The following TACC2 variants were observed in gnomAD, a reference collection of about 807,000 sequenced individuals.
The protein encoded by TACC2 is transforming acidic coiled-coil containing protein 2, also known as transforming acidic coiled-coil-containing protein 2.
Under a neutral mutation model 227.3 loss-of-function variants are expected in TACC2, and 137 were observed. That is an observed-to-expected ratio of 0.60 (90% CI 0.52 to 0.69). The LOEUF (loss-of-function observed/expected upper bound fraction) is 0.69, where lower values mean the gene tolerates loss of function less well. TACC2 is among the 30% of genes least tolerant of loss of function. The pLI is 0.00. For missense variants in TACC2, 3,470 were observed against 3,694.4 expected (o/e 0.94, Z 1.57); for synonymous variants, 1,523 against 1,487.5 (o/e 1.02, Z -0.55).
In TACC2 at chr10:122,215,393, A is replaced by C. The variant is rs2095381364; in HGVS notation, c.7286A>C (p.Asp2429Ala). The C allele has an allele frequency of 1.9e-6, 3 of 1,613,476 alleles. No homozygotes were observed. The highest frequency in any genetic ancestry group is 2.5e-6 in the Non-Finnish European group (3 of 1,179,640). ...TACGTTTTCCATTTTGTTTCCAGTG[A>C]CACATTTAGGGTGAAAAAGTCGCCA... is the stretch of plus-strand genomic sequence containing the variant. ...AKKKKTPLKT[D>A]TFRVKKSPKR... Residue 2429 changes from aspartate to alanine, a missense_variant and splice_region_variant, in exon 10 of 23, where the codon GAC (aspartate) becomes GCC (alanine). Coordinates refer to ENST00000369005, the MANE Select transcript of TACC2 (RefSeq NM_206862.4).
At chr10:122,246,484 G>A (rs980424508) in intron 19 of TACC2, 1 of 152,184 alleles carries the variant, frequency 6.6e-6, no homozygotes, top group African/African-American at 2.4e-5. Flanking sequence ...ATCCTCCAAG[G>A]TCTGTCATTA....
rs2095864752 is a variant in TACC2, at chr10:122,236,778, A to G, written c.8128-617A>G. ...TTAACGTAACAGACTTCATGGCAAC[A>G]GAACTCTTACATAACTCTAACATAA... is the stretch of plus-strand genomic sequence containing the variant. On this transcript the variant is annotated intron_variant, in intron 16 of 22. Transcript: ENST00000369005. Among the ~76,000 whole-genome samples the G allele has an allele frequency of 2.6e-5, 4 of 152,222 alleles. No homozygotes were observed. In the East Asian group the frequency reaches 7.7e-4, roughly 29 times the overall value.
chr10:122,234,269 G>A (rs993185749), intron 16 of TACC2, among the ~76,000 whole-genome samples: 1 of 152,282 alleles, frequency 6.6e-6, no homozygotes, highest in African/African-American at 2.4e-5. Context: ...GGCACAGCCT[G>A]CAGGTCTGAA....
chr10:122,005,584 C>A (rs1397169685), intron 1 of TACC2, among the ~76,000 whole-genome samples: 1 of 149,666 alleles, frequency 6.7e-6, no homozygotes, highest in Non-Finnish European at 1.5e-5. Flanking sequence ...TGGGGTTTCA[C>A]CATGTTAGCC....
rs1054305920 is a variant in TACC2, at chr10:122,205,555, T to C, written c.5972-4842T>C. Among the ~76,000 whole-genome samples, 1 of 152,168 alleles carries C rather than the reference T, an allele frequency of 6.6e-6. No homozygotes were observed. Among genetic ancestry groups the C allele is most frequent in the Non-Finnish European group, 1.5e-5 (1 of 68,018 alleles). On this transcript the variant is annotated intron_variant, in intron 8 of 22. Coordinates refer to ENST00000369005, the MANE Select transcript of TACC2 (RefSeq NM_206862.4). The surrounding 1 kb of genome is among the most constrained non-coding windows in gnomAD (Gnocchi z 4.5). ...GGCCAAATACTAAAGTGTTACCCAC[T>C]GGAGGTTTAAGAATGAGGATAGGCC...
chr10:122,233,220 T>C (rs1477026817), intron 16 of TACC2, among the ~76,000 whole-genome samples: 1 of 152,200 alleles, frequency 6.6e-6, no homozygotes, highest in Admixed American at 6.5e-5. Flanking sequence ...GGTTGTGTCC[T>C]CCTGGGAGTG....
Position 122,087,710 on chromosome 10 carries a change from C to T in TACC2, c.5210C>T (p.Ala1737Val). ...AGTTRTFSVV[A>V]GDLVLPGSCQ... ...ACTACGAGGACATTCTCCGTTGTGG[C>T]AGGTGACTTGGTGCTGCCAGGAAGC... Residue 1737 changes from alanine to valine, a missense_variant, in exon 4 of 23, where the codon GCA (alanine) becomes GTA (valine). Transcript: ENST00000369005. 1 of 1,612,782 alleles carries T rather than the reference C, an allele frequency of 6.2e-7. No homozygotes were observed. Among genetic ancestry groups the T allele is most frequent in the Non-Finnish European group, 8.5e-7 (1 of 1,179,792 alleles).
In TACC2 at chr10:122,210,981, G is replaced by C; in HGVS notation, c.6556G>C (p.Ala2186Pro). The stretch of plus-strand genomic sequence containing the variant: ...TGCCAAGACGGAAGGTCCTAGCCCA[G>C]CCTTATTGGAGGAGACGCCCCTTGA... Reference protein sequence around the residue: ...ESAKTEGPSPALLEETPLEPA... With the variant: ...ESAKTEGPSPPLLEETPLEPA... The change falls in exon 9 of 23, where the codon GCC (alanine) becomes CCC (proline). Residue 2186 changes from alanine to proline, a missense_variant. Ala to Pro is a conservative substitution (Grantham distance 27). Around this residue, in one of 10 missense-constraint regions of TACC2, gnomAD observed 593 missense variants for 636.6 expected, o/e 0.93. Coordinates refer to ENST00000369005, the MANE Select transcript of TACC2 (RefSeq NM_206862.4). The surrounding 1 kb of genome is among the most constrained non-coding windows in gnomAD (Gnocchi z 4.6). 6.2e-7 allele frequency: 1 copy of C among 1,613,428 alleles called. No homozygotes were observed. Among genetic ancestry groups the C allele is most frequent in the Non-Finnish European group, 8.5e-7 (1 of 1,179,786 alleles).
At chr10:122,169,966 G>A (rs1023016535) in intron 7 of TACC2, among the ~76,000 whole-genome samples, 23 of 152,058 alleles carry the variant, frequency 1.5e-4, no homozygotes, top group Admixed American at 5.9e-4. Flanking sequence ...GCCCAAGCTG[G>A]TCTTGAGCTC....
At chr10:122,193,411 G>A (rs1010492638) in intron 7 of TACC2, among the ~76,000 whole-genome samples, 1 of 152,166 alleles carries the variant, frequency 6.6e-6, no homozygotes, top group Admixed American at 6.5e-5. Context: ...CTGCCAGCTG[G>A]CTGGTGGTCT....
In TACC2 at chr10:122,210,230, G is replaced by A. The variant is rs2095257039; in HGVS notation, c.5972-167G>A. 4 of 633,814 alleles carry A rather than the reference G, an allele frequency of 6.3e-6. No homozygotes were observed. The highest frequency in any genetic ancestry group is 1.9e-5 in the South Asian group (1 of 51,820). 39.3% of individuals were successfully genotyped at this position (633,814 alleles called of 1,614,324 possible). A position where few individuals can be genotyped will look rare whatever the true frequency, so the allele number is the denominator to read the frequency against. ...CTGGCCTGGGTCTTGAGCTAATTAC[G>A]GGTAGGTCAGGTTCTGTACCCAAGT... is the stretch of plus-strand genomic sequence containing the variant. On this transcript the variant is annotated intron_variant, in intron 8 of 22. Coordinates refer to ENST00000369005, the MANE Select transcript of TACC2 (RefSeq NM_206862.4). This position sits in a 1 kb window ranked among gnomAD's most constrained non-coding sequence, Gnocchi z 4.6.
Position 122,087,055 on chromosome 10 carries a change from G to A in TACC2, c.4555G>A (p.Ala1519Thr). 6.2e-7 allele frequency: 1 copy of A among 1,613,540 alleles called. No homozygotes were observed. Residue 1519 changes from alanine to threonine, a missense_variant, in exon 4 of 23, where the codon GCA (alanine) becomes ACA (threonine). Ala to Thr is a moderately conservative substitution (Grantham distance 58). Around this residue, in one of 10 missense-constraint regions of TACC2, gnomAD observed 1,924 missense variants for 1,978.3 expected, o/e 0.97. Transcript: ENST00000369005. ...AGGTGCCGGTGTGGGGAAGGAGATG[G>A]CAGGTGTCCCACCCACACTGAGGGA... is the stretch of plus-strand genomic sequence containing the variant. ...LPGAGVGKEM[A>T]GVPPTLREDE...
At chr10:122,048,970 C>A (rs1279194913) in intron 2 of TACC2, among the ~76,000 whole-genome samples, 2 of 152,218 alleles carry the variant, frequency 1.3e-5, no homozygotes, top group Non-Finnish European at 2.9e-5. Context: ...TGCTGTAGAA[C>A]TCAGAATTTT....
At chr10:122,223,433 A>C (rs961013424) in intron 11 of TACC2, among the ~76,000 whole-genome samples, 2 of 152,164 alleles carry the variant, frequency 1.3e-5, no homozygotes, top group African/African-American at 4.8e-5. Context: ...GCTTGGTGTG[A>C]GAGTTGGAAA....
chr10:122,116,234 G>C (rs1157656457), intron 5 of TACC2, among the ~76,000 whole-genome samples: 1 of 152,170 alleles, frequency 6.6e-6, no homozygotes, highest in Admixed American at 6.5e-5. Context: ...TAGAGCAGCC[G>C]ACCCTTTGTA....
chr10:122,190,157 T>G (rs537148466), intron 7 of TACC2, among the ~76,000 whole-genome samples: 2 of 152,348 alleles, frequency 1.3e-5, no homozygotes, highest in South Asian at 2.1e-4. Flanking sequence ...ATGTGTATAT[T>G]ATGTATGTGT....
chr10:122,224,592 A>G, intron 11 of TACC2, 134 bp from the exon 12 acceptor site: 2 of 729,922 alleles, frequency 2.7e-6, no homozygotes, highest in East Asian at 2.4e-5. Flanking sequence ...GTCTCTAGAC[A>G]GTGGGCACCG....
At chr10:122,243,072 T>C (rs2096038705) in intron 19 of TACC2, among the ~76,000 whole-genome samples, 1 of 152,164 alleles carries the variant, frequency 6.6e-6, no homozygotes, top group African/African-American at 2.4e-5. Flanking sequence ...GCCTCTCAAG[T>C]AGCTGGGATT....
At chr10:122,073,030 T>C (rs1035906164) in intron 3 of TACC2, among the ~76,000 whole-genome samples, 6 of 145,012 alleles carry the variant, frequency 4.1e-5, no homozygotes, top group African/African-American at 1.5e-4. Context: ...GGAGAATCGC[T>C]TGAACCCAGG....
Sources: allele counts gnomAD v4.1 joint callset (sites outside exome capture counted in the v4.1 genomes callset), GRCh38; gene constraint gnomAD v4.1.1; regional missense constraint gnomAD v4.1.1; non-coding constraint Gnocchi (gnomAD v3.1); transcripts MANE v1.5; gene names NCBI Gene and HGNC (gene_info 2026-07-23, HGNC 2026-07-21).